The following PSMB7 variants were observed in gnomAD, a reference collection of about 807,000 sequenced individuals.
PSMB7 encodes the protein proteasome 20S subunit beta 7, also known as proteasome subunit beta type-7.
PSMB7 carries 5 observed loss-of-function variants against 28.1 expected under a neutral mutation model. That is an observed-to-expected ratio of 0.18 (90% CI 0.09 to 0.37). The LOEUF is 0.37. PSMB7 is among the 10% of genes least tolerant of loss of function. PSMB7 has a pLI of 1.00. For missense variants in PSMB7, 275 were observed against 346.2 expected, an observed-to-expected ratio of 0.79 and a Z score of 1.63; for synonymous variants, 122 against 123.7, an observed-to-expected ratio of 0.99 and a Z score of 0.09.
intron 4 of PSMB7, among the ~76,000 whole-genome samples, chr9:124,409,219 C>A (rs1457508790): frequency 6.6e-6 from 1 of 152,192 alleles, no homozygotes; most frequent in Non-Finnish European, 1.5e-5. Flanking sequence ...GAATAACATA[C>A]ACCAAACCAA....
intron 3 of PSMB7, 21 bp downstream of exon 3, chr9:124,413,887 T>G: frequency 6.6e-7 from 1 of 1,517,036 alleles, no homozygotes; most frequent in South Asian, 1.1e-5. Context: ...ATAAGAGTTA[T>G]TCAAACGAAT....
chr9:124,384,663 G>GA lies in PSMB7; in HGVS notation c.512-8dup. 6.2e-7 allele frequency: 1 copy of GA among 1,612,876 alleles called. No homozygotes were observed. Among genetic ancestry groups the GA allele is most frequent in the Non-Finnish European group, 8.5e-7 (1 of 1,179,454 alleles). ...GCTGCCAAGGAGCCAGAACCTGCAA[G>GA]AAAAAGGTGCACTTTTAGTGTATTT... On this transcript the variant is annotated splice_region_variant and splice_polypyrimidine_tract_variant and intron_variant, in intron 5 of 7. Coordinates refer to ENST00000259457, the MANE Select transcript of PSMB7 (RefSeq NM_002799.4).
At chr9:124,358,411 A>G (rs907480368) in intron 6 of PSMB7, among the ~76,000 whole-genome samples, 4 of 152,174 alleles carry the variant, frequency 2.6e-5, no homozygotes, top group Admixed American at 6.5e-5. Context: ...CGTGACATCT[A>G]TGTGGGGCCA....
chr9:124,391,484 C>A (rs561862639), intron 5 of PSMB7, among the ~76,000 whole-genome samples: 1 of 152,310 alleles, frequency 6.6e-6, no homozygotes, highest in South Asian at 2.1e-4. Flanking sequence ...TCGATTACCA[C>A]ACACATCTGG....
intron 7 of PSMB7, 48 bp from the exon 8 acceptor site, chr9:124,353,757 G>C (rs1830361599): frequency 7.3e-7 from 1 of 1,363,274 alleles, no homozygotes. Context: ...TCCTCAAGGT[G>C]CCAGAGGGCA....
intron 5 of PSMB7, among the ~76,000 whole-genome samples, chr9:124,386,862 T>C (rs1268085763): frequency 6.6e-6 from 1 of 152,242 alleles, no homozygotes; most frequent in African/African-American, 2.4e-5. Context: ...TCTATTCTTT[T>C]TCCTAGGCAC....
intron 5 of PSMB7, 38 bp downstream of exon 5, chr9:124,405,279 A>C: frequency 7.2e-7 from 1 of 1,395,164 alleles, no homozygotes; most frequent in Non-Finnish European, 1.0e-6. Flanking sequence ...CGTGGTAAGT[A>C]AGAGTACTCT....
chr9:124,400,014 C>G (rs1052176183), intron 5 of PSMB7, among the ~76,000 whole-genome samples: 6 of 152,188 alleles, frequency 3.9e-5, no homozygotes, highest in African/African-American at 7.2e-5. Context: ...TGCTTTCCAG[C>G]CTTGCCTCTG....
chr9:124,392,887 C>T (rs1253390129), intron 5 of PSMB7, among the ~76,000 whole-genome samples: 4 of 152,152 alleles, frequency 2.6e-5, no homozygotes, highest in Non-Finnish European at 5.9e-5. Flanking sequence ...CATGGCCTGC[C>T]AAGGTGTAAG....
chr9:124,356,124 A>G lies in PSMB7; in HGVS notation c.722+640T>C, dbSNP rs1830402613. 6.6e-6 allele frequency among the ~76,000 whole-genome samples: 1 copy of G among 152,168 alleles called. No homozygotes were observed. Among genetic ancestry groups the G allele is most frequent in the Non-Finnish European group, 1.5e-5 (1 of 68,014 alleles). ...CCACAGGATGGTCAAGCAGCCGGAC[A>G]ATCACGAGACACTGCAAACGAGCTG... On this transcript the variant is annotated intron_variant, in intron 7 of 7. Transcript: ENST00000259457. This position sits in a 1 kb window ranked among gnomAD's most constrained non-coding sequence, Gnocchi z 4.4.
chr9:124,395,449 C>T (rs1830830466), intron 5 of PSMB7, among the ~76,000 whole-genome samples: 1 of 152,082 alleles, frequency 6.6e-6, no homozygotes, highest in Admixed American at 6.6e-5. Context: ...GCTATAATCA[C>T]ACCACTGCAT....
intron 6 of PSMB7, among the ~76,000 whole-genome samples, chr9:124,367,881 G>A (rs1830522782): frequency 6.6e-6 from 1 of 152,060 alleles, no homozygotes; most frequent in African/African-American, 2.4e-5. Context: ...CGATTACCAA[G>A]GCAAAAGGCT....
At chr9:124,367,463 T>A (rs575003176) in intron 6 of PSMB7, among the ~76,000 whole-genome samples, 9 of 151,994 alleles carry the variant, frequency 5.9e-5, no homozygotes, top group Admixed American at 1.3e-4. Context: ...ATACACAGCA[T>A]TCGGATAAAC....
chr9:124,412,982 C>T (rs1055743287), intron 3 of PSMB7, among the ~76,000 whole-genome samples: 5 of 151,558 alleles, frequency 3.3e-5, no homozygotes, highest in Admixed American at 2.0e-4. Flanking sequence ...CAAAATCCTA[C>T]GGGAAACCGG....
intron 6 of PSMB7, 101 bp from the exon 7 acceptor site, chr9:124,357,016 G>T: frequency 7.7e-7 from 1 of 1,290,958 alleles, no homozygotes; most frequent in Non-Finnish European, 1.1e-6. Flanking sequence ...CCTCCCGCGA[G>T]ACAGGTGTTG....
chr9:124,372,349 G>A (rs1830571594), intron 6 of PSMB7, among the ~76,000 whole-genome samples: 1 of 152,182 alleles, frequency 6.6e-6, no homozygotes, highest in Non-Finnish European at 1.5e-5. Flanking sequence ...AGAATTTTCA[G>A]AAATATTTTT....
At chr9:124,377,956 A>C (rs564461733) in intron 6 of PSMB7, among the ~76,000 whole-genome samples, 1 of 152,270 alleles carries the variant, frequency 6.6e-6, no homozygotes, top group African/African-American at 2.4e-5. Context: ...CGCCTCAGGC[A>C]GTGGTAGAAG....
intron 5 of PSMB7, among the ~76,000 whole-genome samples, chr9:124,386,682 A>G (rs1380900698): frequency 6.6e-6 from 1 of 152,254 alleles, no homozygotes; most frequent in African/African-American, 2.4e-5. Flanking sequence ...GACAGGGAGA[A>G]GACAGGTATT....
intron 5 of PSMB7, among the ~76,000 whole-genome samples, chr9:124,396,450 C>G (rs978659835): frequency 1.3e-4 from 20 of 152,358 alleles, no homozygotes; most frequent in Admixed American, 3.9e-4. Context: ...AGACATCCAG[C>G]ATGCTTACTA....
Sources: gnomAD v4.1 joint callset for allele counts (sites outside exome capture counted in the v4.1 genomes callset) on GRCh38, gnomAD v4.1.1 for gene constraint, Gnocchi (gnomAD v3.1) non-coding constraint, MANE v1.5 for transcripts, NCBI Gene and HGNC (gene_info 2026-07-23, HGNC 2026-07-21) for gene names.